The following YWHAQ variants were observed in gnomAD, a reference collection of about 807,000 sequenced individuals.
YWHAQ encodes the protein tyrosine 3-monooxygenase/tryptophan 5-monooxygenase activation protein theta, also known as 14-3-3 protein theta.
YWHAQ carries 6 observed loss-of-function variants against 28.3 expected under a neutral mutation model. That is an observed-to-expected ratio of 0.21 (90% confidence interval 0.12 to 0.42). YWHAQ has a LOEUF of 0.42. YWHAQ is among the 10% of genes least tolerant of loss of function. YWHAQ has a pLI of 1.00. For missense variants in YWHAQ, 201 were observed against 305.6 expected (o/e 0.66, Z 2.55); for synonymous variants, 143 against 119.1 (o/e 1.20, Z -1.31).
rs1243328399 is a variant in YWHAQ at position 9,597,976 on chromosome 2, T to G, written c.295-6461A>C. On this transcript the variant is annotated intron_variant, in intron 2 of 5. Transcript: ENST00000238081. Reference sequence around the variant, plus strand: ...CTGGGACTACAGGCATGCACCACCATGCCGGGCTATTTTTTTTTTTTTTTT... The same window carrying G: ...CTGGGACTACAGGCATGCACCACCAGGCCGGGCTATTTTTTTTTTTTTTTT... Among the ~76,000 whole-genome samples the G allele has an allele frequency of 8.6e-5, 12 of 139,164 alleles. No homozygotes were observed. In the Admixed American group the frequency reaches 8.7e-4, roughly 10 times the overall value. The allele number at this position is 139,164 out of a possible 152,430, so 91.3% of individuals were successfully genotyped here.
chr2:9,595,562 G>C (rs1666551623), intron 2 of YWHAQ, among the ~76,000 whole-genome samples: 1 of 151,856 alleles, frequency 6.6e-6, no homozygotes. Flanking sequence ...AAATTAGCCG[G>C]GTATGGTGAC....
At chr2:9,593,644 C>T (rs960186351) in intron 2 of YWHAQ, among the ~76,000 whole-genome samples, 21 of 151,998 alleles carry the variant, frequency 1.4e-4, no homozygotes, top group Non-Finnish European at 3.1e-4. Flanking sequence ...GCCTGGGCAA[C>T]ATAATGGGAC....
intron 5 of YWHAQ, among the ~76,000 whole-genome samples, chr2:9,586,295 AAGAAG>A (rs1320450343): frequency 2.0e-5 from 3 of 152,234 alleles, no homozygotes; most frequent in East Asian, 1.9e-4. Context: ...AGATGAAGTG[AAGAAG>A]AGAAGTCAGT....
At chr2:9,614,534 T>C (rs1334956965) in intron 2 of YWHAQ, among the ~76,000 whole-genome samples, 2 of 152,192 alleles carry the variant, frequency 1.3e-5, no homozygotes, top group Non-Finnish European at 2.9e-5. Flanking sequence ...GTAATCAAAA[T>C]GGACAGACAT....
At chr2:9,618,088 A>G (rs2357157) in intron 2 of YWHAQ, among the ~76,000 whole-genome samples, 64,624 of 152,048 alleles carry the variant, frequency 0.43, 17,380 homozygotes, top group African/African-American at 0.76. Context: ...GCAGATTAGT[A>G]GTTGTCAGGA....
At chr2:9,602,829 TAAAAAAAAAAAAAAAAAAAAAAAAAA>T (rs869073430) in intron 2 of YWHAQ, among the ~76,000 whole-genome samples, 17 of 37,222 alleles carry the variant, frequency 4.6e-4, no homozygotes, top group African/African-American at 1.0e-3. Context: ...ATGCCTAATT[TAAAAAAAAAAAAAAAAAAAAAAAAAA>T]AAAAAAAATA....
At chr2:9,602,860 AAAATATATATATATATATATATATATAT>A (rs1218768042) in intron 2 of YWHAQ, among the ~76,000 whole-genome samples, 18 of 11,026 alleles carry the variant, frequency 1.6e-3, no homozygotes, top group Non-Finnish European at 3.2e-3. Flanking sequence ...AAAAAAAAAA[AAAATATATATATATATATATATATATAT>A]ATATATATAT....
chr2:9,630,414 G>C lies in YWHAQ; in HGVS notation c.39C>G (p.Ala13=), dbSNP rs368668324. 3.7e-6 allele frequency: 6 copies of C among 1,612,696 alleles called. No homozygotes were observed. Among genetic ancestry groups the C allele is most frequent in the Non-Finnish European group, 4.2e-6 (5 of 1,179,962 alleles). ...KTELIQKAKL[A]EQAERYDDMA... is the part of the protein sequence containing the mutation. ...TGTCGTCGTAGCGCTCGGCCTGCTC[G>C]GCCAGCTTGGCCTTCTGGATCAGCT... The change falls in exon 2 of 6, where the codon GCC becomes GCG. Residue 13 remains alanine, a synonymous_variant. Coordinates refer to ENST00000238081, the MANE Select transcript of YWHAQ (RefSeq NM_006826.4). The surrounding 1 kb of genome is among the most constrained non-coding windows in gnomAD (Gnocchi z 5.6).
chr2:9,599,380 T>C (rs1257847513), intron 2 of YWHAQ, among the ~76,000 whole-genome samples: 1 of 152,188 alleles, frequency 6.6e-6, no homozygotes, highest in African/African-American at 2.4e-5. Flanking sequence ...AAATACCATA[T>C]TTCCAATGTA....
chr2:9,629,905 G>A (rs904356102), intron 2 of YWHAQ, among the ~76,000 whole-genome samples: 14 of 152,140 alleles, frequency 9.2e-5, no homozygotes, highest in Non-Finnish European at 1.8e-4. Flanking sequence ...GACCTACTTG[G>A]ATGTTTCCAA....
chr2:9,620,963 A>G (rs1477689408), intron 2 of YWHAQ, among the ~76,000 whole-genome samples: 1 of 152,146 alleles, frequency 6.6e-6, no homozygotes, highest in African/African-American at 2.4e-5. Flanking sequence ...TAGTCTGGGA[A>G]CCCCTAGAGG....
intron 2 of YWHAQ, among the ~76,000 whole-genome samples, chr2:9,600,224 T>C (rs1266332882): frequency 1.3e-5 from 2 of 152,176 alleles, no homozygotes; most frequent in Non-Finnish European, 2.9e-5. Flanking sequence ...GCAAAGAAAG[T>C]GGTTTCTTGA....
At chr2:9,587,824 G>A (rs1666376515) in intron 4 of YWHAQ, among the ~76,000 whole-genome samples, 1 of 152,166 alleles carries the variant, frequency 6.6e-6, no homozygotes, top group Non-Finnish European at 1.5e-5. Context: ...CTCTCGTTTT[G>A]AGCCACTTTG....
chr2:9,620,529 T>G (rs1044879026), intron 2 of YWHAQ: 4 of 152,354 alleles, frequency 2.6e-5, no homozygotes, highest in African/African-American at 9.6e-5. Context: ...TCCATATTTT[T>G]CATGGATGTC....
At chr2:9,588,601 T>C (rs1248872792) in intron 3 of YWHAQ, among the ~76,000 whole-genome samples, 1 of 151,934 alleles carries the variant, frequency 6.6e-6, no homozygotes, top group East Asian at 1.9e-4. Flanking sequence ...CGAAACCCCA[T>C]CTCTACTAAA....
chr2:9,601,298 CTAA>C (rs1308304720), intron 2 of YWHAQ, among the ~76,000 whole-genome samples: 1 of 151,988 alleles, frequency 6.6e-6, no homozygotes, highest in Non-Finnish European at 1.5e-5. Flanking sequence ...CCCGTCTCTA[CTAA>C]TAATACAAAA....
chr2:9,600,690 A>G (rs1208442015), intron 2 of YWHAQ, among the ~76,000 whole-genome samples: 1 of 152,056 alleles, frequency 6.6e-6, no homozygotes, highest in African/African-American at 2.4e-5. Context: ...GGGCAACAAG[A>G]GCGAAACTCT....
At chr2:9,594,494 G>A (rs1450294543) in intron 2 of YWHAQ, among the ~76,000 whole-genome samples, 1 of 152,062 alleles carries the variant, frequency 6.6e-6, no homozygotes, top group Non-Finnish European at 1.5e-5. Context: ...TTAAATGAGT[G>A]GATTCTGAGA....
In YWHAQ at chr2:9,630,109, GAAAAGCATCTCAC is replaced by G. The variant is rs781724742; in HGVS notation, c.294+37_294+49del. The G allele has an allele frequency of 1.9e-5, 30 of 1,568,374 alleles. No individual in the cohort carries two copies. In the East Asian group the frequency reaches 6.8e-4, roughly 35 times the overall value. ...TTTCCGTGCCCGCGAAACTCTCAAT[GAAAAGCATCTCAC>G]AAAAGGCCTCCCCTGCTCCCCGCGC... On this transcript the variant is annotated intron_variant, in intron 2 of 5. Coordinates refer to ENST00000238081, the MANE Select transcript of YWHAQ (RefSeq NM_006826.4). This position sits in a 1 kb window ranked among gnomAD's most constrained non-coding sequence, Gnocchi z 5.6.
Sources: gnomAD v4.1 joint callset for allele counts (sites outside exome capture counted in the v4.1 genomes callset) on GRCh38, gnomAD v4.1.1 for gene constraint, Gnocchi (gnomAD v3.1) non-coding constraint, MANE v1.5 for transcripts, NCBI Gene and HGNC (gene_info 2026-07-23, HGNC 2026-07-21) for gene names.